The following FSTL5 variants were observed in gnomAD, a reference collection of about 807,000 sequenced individuals.
The protein encoded by FSTL5 is follistatin-related protein 5.
FSTL5 carries 62 observed loss-of-function variants against 89.1 expected under a neutral mutation model. That is an observed-to-expected ratio of 0.70 (90% CI 0.57 to 0.86). The LOEUF (loss-of-function observed/expected upper bound fraction) is 0.86. Ranked by LOEUF, FSTL5 falls within the 40% of genes least tolerant of loss-of-function variation. The pLI is 0.00. For missense variants in FSTL5, 1,057 were observed against 1,001.6 expected (o/e 1.06, Z -0.75); for synonymous variants, 383 against 346.2 (o/e 1.11, Z -1.18).
At chr4:162,100,625 A>G (rs1391076505) in intron 2 of FSTL5, among the ~76,000 whole-genome samples, 3 of 152,202 alleles carry the variant, frequency 2.0e-5, no homozygotes, top group East Asian at 3.9e-4. Flanking sequence ...CCCCTAGAAT[A>G]TACAACACAA....
At chr4:161,987,000 C>G (rs1735981282) in intron 3 of FSTL5, among the ~76,000 whole-genome samples, 1 of 152,148 alleles carries the variant, frequency 6.6e-6, no homozygotes, top group African/African-American at 2.4e-5. Context: ...GCCTATTGGT[C>G]ATATTCATAC....
At chr4:161,950,408 T>C (rs2067908) in intron 3 of FSTL5, among the ~76,000 whole-genome samples, 2,887 of 152,236 alleles carry the variant, frequency 0.019, 92 homozygotes, top group African/African-American at 0.065. Context: ...AGGACTGCAG[T>C]TCAAGATTCA....
intron 4 of FSTL5, among the ~76,000 whole-genome samples, chr4:161,839,898 A>T (rs1489995425): frequency 6.6e-6 from 1 of 152,192 alleles, no homozygotes; most frequent in African/African-American, 2.4e-5. Context: ...TTAAAGGAAA[A>T]TGTAAGTGTG....
At chr4:161,639,188 GA>G (rs201697487) in intron 7 of FSTL5, among the ~76,000 whole-genome samples, 6 of 148,270 alleles carry the variant, frequency 4.0e-5, no homozygotes, top group African/African-American at 9.9e-5. Flanking sequence ...TCTTAGTTCT[GA>G]AAAAAAAAAT....
intron 5 of FSTL5, among the ~76,000 whole-genome samples, chr4:161,763,544 G>C (rs1331091384): frequency 1.3e-5 from 2 of 152,148 alleles, no homozygotes; most frequent in African/African-American, 2.4e-5. Context: ...GTGTAGGGGA[G>C]AGAAGGACAG....
At chr4:161,472,117 C>A (rs2126436327) in intron 13 of FSTL5, among the ~76,000 whole-genome samples, 1 of 152,178 alleles carries the variant, frequency 6.6e-6, no homozygotes, top group East Asian at 1.9e-4. Context: ...GCTGGGACTA[C>A]AGGTGCTGGC....
chr4:161,431,448 T>TA lies in FSTL5; in HGVS notation c.1841+23555dup, dbSNP rs113353224. Among the ~76,000 whole-genome samples the TA allele has an allele frequency of 3.7e-3, 486 of 132,712 alleles. 1 individual carries two copies. Among genetic ancestry groups the TA allele is most frequent in the Non-Finnish European group, 5.2e-3 (316 of 60,280 alleles). 87.1% of individuals were successfully genotyped at this position (132,712 alleles called of 152,430 possible). A position where few individuals can be genotyped will look rare whatever the true frequency, so the allele number is the denominator to read the frequency against. Reference sequence around the variant, plus strand: ...TTGTAAGCCTCATGGTAACCTCAAATAAAAAAAAAAACAGATAAACAGAAC... The same window carrying TA: ...TTGTAAGCCTCATGGTAACCTCAAATAAAAAAAAAAAACAGATAAACAGAAC... On this transcript the variant is annotated intron_variant, in intron 15 of 15. Transcript: ENST00000306100.
intron 15 of FSTL5, among the ~76,000 whole-genome samples, chr4:161,399,286 C>T (rs1731102734): frequency 6.6e-6 from 1 of 152,072 alleles, no homozygotes; most frequent in Non-Finnish European, 1.5e-5. Context: ...TACTAAGAGC[C>T]TACTGCTGAC....
At chr4:161,985,714 T>G (rs982628551) in intron 3 of FSTL5, among the ~76,000 whole-genome samples, 7 of 151,926 alleles carry the variant, frequency 4.6e-5, no homozygotes, top group African/African-American at 1.7e-4. Context: ...TACTTAGTTT[T>G]TGATGACACA....
chr4:161,956,714 TA>T (rs1194848677), intron 3 of FSTL5, among the ~76,000 whole-genome samples: 2 of 151,916 alleles, frequency 1.3e-5, no homozygotes, highest in Non-Finnish European at 2.9e-5. Flanking sequence ...CGGGTTAATG[TA>T]AAAAAAGCTG....
intron 3 of FSTL5, among the ~76,000 whole-genome samples, chr4:161,996,211 A>T (rs1424180139): frequency 6.6e-6 from 1 of 152,236 alleles, no homozygotes; most frequent in African/African-American, 2.4e-5. Flanking sequence ...TCTATTCTGC[A>T]CATGGCAAAG....
At chr4:161,878,693 C>A (rs1055190572) in intron 4 of FSTL5, among the ~76,000 whole-genome samples, 1 of 151,926 alleles carries the variant, frequency 6.6e-6, no homozygotes, top group Non-Finnish European at 1.5e-5. Flanking sequence ...TCCCTAGTAG[C>A]CAACACCAAA....
intron 13 of FSTL5, among the ~76,000 whole-genome samples, chr4:161,471,755 A>G (rs1053425424): frequency 1.3e-5 from 2 of 151,866 alleles, no homozygotes; most frequent in African/African-American, 4.8e-5. Flanking sequence ...ATTTTTTTCT[A>G]TTTTAATTTA....
intron 15 of FSTL5, among the ~76,000 whole-genome samples, chr4:161,400,149 C>T (rs1347935263): frequency 6.6e-6 from 1 of 152,040 alleles, no homozygotes; most frequent in East Asian, 1.9e-4. Flanking sequence ...AAATAAACTT[C>T]CATATTTTTA....
intron 15 of FSTL5, chr4:161,387,552 A>T (rs1730687586): frequency 6.6e-6 from 1 of 152,070 alleles, no homozygotes; most frequent in Admixed American, 6.6e-5. Context: ...TATGTAAAAA[A>T]TGACCATTTC....
At chr4:162,073,695 A>C (rs1410602386) in intron 2 of FSTL5, among the ~76,000 whole-genome samples, 2 of 151,782 alleles carry the variant, frequency 1.3e-5, no homozygotes, top group East Asian at 3.9e-4. Context: ...GGTAATATTT[A>C]ATTGGTAGGG....
chr4:161,850,971 C>T (rs1371210876), intron 4 of FSTL5, among the ~76,000 whole-genome samples: 1 of 152,070 alleles, frequency 6.6e-6, no homozygotes, highest in African/African-American at 2.4e-5. Flanking sequence ...TTGATCTGTG[C>T]AACAAACCAC....
rs537603527 is a variant in FSTL5 at position 161,583,596 on chromosome 4, T to C, written c.1015+3859A>G. ...TGCAGTAGAACAAATTTTTGACCAA[T>C]GATAGTTGAATTTTGATAAATCAGT... On this transcript the variant is annotated intron_variant, in intron 8 of 15. Coordinates refer to ENST00000306100, the MANE Select transcript of FSTL5 (RefSeq NM_020116.5). Among the ~76,000 whole-genome samples, 12 of 18,480 alleles carry C rather than the reference T, an allele frequency of 6.5e-4. No homozygotes were observed. The East Asian group carries it at 0.018, about 28-fold the overall frequency. 12.1% of individuals were successfully genotyped at this position (18,480 alleles called of 152,430 possible).
intron 8 of FSTL5, among the ~76,000 whole-genome samples, chr4:161,562,275 G>T (rs1230493691): frequency 6.6e-6 from 1 of 151,952 alleles, no homozygotes; most frequent in African/African-American, 2.4e-5. Context: ...AGTTCCCCAG[G>T]TTTGTTCTTC....
Sources: gnomAD v4.1 joint callset for allele counts (sites outside exome capture counted in the v4.1 genomes callset) on GRCh38, gnomAD v4.1.1 for gene constraint, MANE v1.5 for transcripts, NCBI Gene and HGNC (gene_info 2026-07-23, HGNC 2026-07-21) for gene names.